CREB3: variants seen among roughly 807,000 people sequenced by gnomAD.
CREB3 encodes cyclic AMP-responsive element-binding protein 3.
In CREB3, 29 loss-of-function variants were observed where a neutral mutation model predicts 34.5. That is an observed-to-expected ratio of 0.84 (90% CI 0.63 to 1.15). The LOEUF (loss-of-function observed/expected upper bound fraction) is 1.15, where lower values mean the gene tolerates loss of function less well. Among genes scored for constraint, CREB3 ranks in the 50% most tolerant of loss-of-function variants. The pLI is 0.00. For missense variants in CREB3, 447 were observed against 443.4 expected (o/e 1.01, Z -0.07); for synonymous variants, 187 against 173.9 (o/e 1.08, Z -0.59).
Position 35,736,466 on chromosome 9 carries a change from G to A in CREB3, c.856G>A (p.Val286Met), listed in dbSNP as rs199693993. 3.0e-5 allele frequency: 48 copies of A among 1,614,066 alleles called. No individual in the cohort carries two copies. The highest frequency in any genetic ancestry group is 3.8e-5 in the Non-Finnish European group (45 of 1,180,060). The change falls in exon 9 of 9, where the codon GTG (valine) becomes ATG (methionine). Residue 286 changes from valine (V) to methionine (M), a missense_variant. Coordinates refer to ENST00000353704, the MANE Select transcript of CREB3 (RefSeq NM_006368.5). The part of the protein sequence containing the change: ...QLELPALQSE[V>M]PKDSTHQWLD... Reference sequence around the variant, plus strand: ...GGAGCTGCCTGCCCTGCAGTCAGAAGTGCCGAAAGACAGCACACACCAGTG... The same window carrying A: ...GGAGCTGCCTGCCCTGCAGTCAGAAATGCCGAAAGACAGCACACACCAGTG...
chr9:35,734,487 G>A (rs1291368528), intron 4 of CREB3, among the ~76,000 whole-genome samples: 1 of 151,904 alleles, frequency 6.6e-6, no homozygotes, highest in Non-Finnish European at 1.5e-5. Context: ...AATGTTAAGT[G>A]CCTTAAAATA....
chr9:35,732,869 G>GC lies in CREB3; in HGVS notation c.101dup (p.Leu35ThrfsTer9). 6.2e-7 allele frequency: 1 copy of GC among 1,614,182 alleles called. No homozygotes were observed. The highest frequency in any genetic ancestry group is 8.5e-7 in the Non-Finnish European group (1 of 1,180,010). ...GACGGCACCCGATGAGGCCGTGAGG[G>GC]CCCCACTGGACTGGGCGCTGCCGCT... On this transcript the variant is annotated frameshift_variant, in exon 1 of 9. Coordinates refer to ENST00000353704, the MANE Select transcript of CREB3 (RefSeq NM_006368.5). LOFTEE classifies it high-confidence loss of function. This position sits in a 1 kb window ranked among gnomAD's most constrained non-coding sequence, Gnocchi z 5.1.
Position 35,736,100 on chromosome 9 carries a change from A to C in CREB3, c.664A>C (p.Asn222His). The C allele has an allele frequency of 3.7e-6, 6 of 1,614,110 alleles. No individual in the cohort carries two copies. The highest frequency in any genetic ancestry group is 5.1e-6 in the Non-Finnish European group (6 of 1,179,988). Residue 222 changes from asparagine to histidine, a missense_variant, in exon 7 of 9, where the codon AAC (asparagine) becomes CAC (histidine). Transcript: ENST00000353704. ...CCAGGCCATGGTGATTGAGATATCAAACAAAACCAGCAGCAGCAGCACCTG... is the reference window on the plus strand; with the variant it reads ...CCAGGCCATGGTGATTGAGATATCACACAAAACCAGCAGCAGCAGCACCTG... ...KLQAMVIEISNKTSSSSTCIL... is the reference protein window; with the variant it reads ...KLQAMVIEISHKTSSSSTCIL...
rs766152625 is a variant in CREB3, at chr9:35,733,122, G to A, written c.256G>A (p.Glu86Lys). 1.2e-6 allele frequency: 2 copies of A among 1,614,252 alleles called. No homozygotes were observed. The highest frequency in any genetic ancestry group is 8.5e-7 in the Non-Finnish European group (1 of 1,180,052). ...TGACCACACCTACTCCCTCCCACGG[G>A]AAACTGTCTCTATGGATCTAGGTGA... ...HHDHTYSLPRETVSMDLESES... is the reference protein window; with the variant it reads ...HHDHTYSLPRKTVSMDLESES... The change falls in exon 2 of 9, where the codon GAA becomes AAA. Residue 86 changes from glutamate to lysine, a missense_variant. Physicochemically the swap from Glu to Lys is moderately conservative, Grantham distance 56. Coordinates refer to ENST00000353704, the MANE Select transcript of CREB3 (RefSeq NM_006368.5).
chr9:35,734,977 G>C, intron 4 of CREB3, 132 bp from the exon 5 acceptor site: 1 of 710,804 alleles, frequency 1.4e-6, no homozygotes, highest in Non-Finnish European at 2.4e-6. Flanking sequence ...CATTCAGAAA[G>C]AATCTGAATG....
intron 7 of CREB3, 47 bp from the exon 8 acceptor site, chr9:35,736,180 C>G: frequency 6.2e-7 from 1 of 1,611,154 alleles, no homozygotes; most frequent in Non-Finnish European, 8.5e-7. Flanking sequence ...TTGGTGGGGA[C>G]AGGGCAATCC....
rs1826230290 is a variant in CREB3 at position 35,736,792 on chromosome 9, A to C, written c.*66A>C. On this transcript the variant is annotated 3_prime_UTR_variant, in exon 9 of 9. Coordinates refer to ENST00000353704, the MANE Select transcript of CREB3 (RefSeq NM_006368.5). ...GCTCCCCATCTGTGTCCAAATAAAAAGCGGTGGGCAAGGGCTGGCCGCAGC... is the reference window on the plus strand; with the variant it reads ...GCTCCCCATCTGTGTCCAAATAAAACGCGGTGGGCAAGGGCTGGCCGCAGC... 6.9e-7 allele frequency: 1 copy of C among 1,455,660 alleles called. No individual in the cohort carries two copies. Among genetic ancestry groups the C allele is most frequent in the Non-Finnish European group, 9.3e-7 (1 of 1,073,260 alleles). The allele number at this position is 1,455,660 out of a possible 1,614,324, so 90.2% of individuals were successfully genotyped here. A position where few individuals can be genotyped will look rare whatever the true frequency, so the allele number is the denominator to read the frequency against.
Position 35,735,976 on chromosome 9 carries a change from G to C in CREB3, c.612-72G>C, listed in dbSNP as rs1826195234. The C allele has an allele frequency of 5.9e-6, 7 of 1,188,170 alleles. 1 individual carries two copies. In the South Asian group the frequency reaches 7.3e-5, roughly 12 times the overall value. The allele number at this position is 1,188,170 out of a possible 1,614,324, so 73.6% of individuals were successfully genotyped here. On this transcript the variant is annotated intron_variant, in intron 6 of 8. Transcript: ENST00000353704. Reference sequence around the variant, plus strand: ...AGTGCAGAGATGGAGGAGGTGGCCTGAACAGGAGTTTCACTGTGTCTCAGG... The same window carrying C: ...AGTGCAGAGATGGAGGAGGTGGCCTCAACAGGAGTTTCACTGTGTCTCAGG...
chr9:35,736,011 C>T (rs1294071441), intron 6 of CREB3, 37 bp from the exon 7 acceptor site: 14 of 1,519,322 alleles, frequency 9.2e-6, no homozygotes, highest in African/African-American at 4.1e-5. Context: ...GATGCTAGGC[C>T]AGGGGATGCT....
chr9:35,736,546 G>C lies in CREB3; in HGVS notation c.936G>C (p.Leu312=). ...LQAPGNTSCL[L]HYMPQAPSAE... is the part of the protein sequence containing the mutation. ...CCCCTGGCAACACTTCCTGCCTGCT[G>C]CATTACATGCCTCAGGCTCCCAGTG... The change falls in exon 9 of 9, where the codon CTG becomes CTC. Residue 312 remains leucine (L), a synonymous_variant. Coordinates refer to ENST00000353704, the MANE Select transcript of CREB3 (RefSeq NM_006368.5). 3.1e-6 allele frequency: 5 copies of C among 1,614,184 alleles called. No individual in the cohort carries two copies. The highest frequency in any genetic ancestry group is 4.2e-6 in the Non-Finnish European group (5 of 1,180,034).
At chr9:35,735,761 A>G (rs780019658) in intron 6 of CREB3, among the ~76,000 whole-genome samples, 6 of 152,240 alleles carry the variant, frequency 3.9e-5, no homozygotes, top group Admixed American at 6.5e-5. Context: ...GATTATGTGC[A>G]TAGCTGATCA....
chr9:35,735,429 A>C, intron 6 of CREB3, 55 bp downstream of exon 6: 1 of 1,490,180 alleles, frequency 6.7e-7, no homozygotes, highest in Admixed American at 1.7e-5. Context: ...ATGCTTTCTC[A>C]CTCTTTCCCC....
chr9:35,733,137 G>A lies in CREB3; in HGVS notation c.271G>A (p.Asp91Asn). 1 of 1,614,226 alleles carries A rather than the reference G, an allele frequency of 6.2e-7. No individual in the cohort carries two copies. Among genetic ancestry groups the A allele is most frequent in the South Asian group, 1.1e-5 (1 of 91,092 alleles). The change falls in exon 2 of 9, where the codon GAT (aspartate) becomes AAT (asparagine). Residue 91 changes from aspartate (D) to asparagine (N), a missense_variant. Coordinates refer to ENST00000353704, the MANE Select transcript of CREB3 (RefSeq NM_006368.5). ...CCTCCCACGGGAAACTGTCTCTATGGATCTAGGTGAGTCTGAAATAAGTTT... is the reference window on the plus strand; with the variant it reads ...CCTCCCACGGGAAACTGTCTCTATGAATCTAGGTGAGTCTGAAATAAGTTT... ...YSLPRETVSMDLESESCRKEG... is the reference protein window; with the variant it reads ...YSLPRETVSMNLESESCRKEG...
Position 35,733,422 on chromosome 9 carries a change from TGAG to T in CREB3, c.376_378del (p.Glu126del), listed in dbSNP as rs769225730. On this transcript the variant is annotated inframe_deletion, in exon 4 of 9. Coordinates refer to ENST00000353704, the MANE Select transcript of CREB3 (RefSeq NM_006368.5). Reference sequence around the variant, plus strand: ...AGATTGCTAGGCTAGTACTGACAGATGAGGAGAAGAGTCTATTGGAGAAGGAGG... The same window carrying T: ...AGATTGCTAGGCTAGTACTGACAGATGAGAAGAGTCTATTGGAGAAGGAGG... The T allele has an allele frequency of 6.3e-5, 102 of 1,613,790 alleles. 1 individual carries two copies. The highest frequency in any genetic ancestry group is 4.9e-4 in the East Asian group (22 of 44,894).
chr9:35,732,942 T>A lies in CREB3; in HGVS notation c.129+41T>A. ...GACTGGGGAAAGCGTGGGATGTCCA[T>A]GAAGTCAGGTGATGGTGATAAGGTC... is the stretch of plus-strand genomic sequence containing the variant. On this transcript the variant is annotated intron_variant, in intron 1 of 8. Transcript: ENST00000353704. The surrounding 1 kb of genome is among the most constrained non-coding windows in gnomAD (Gnocchi z 5.1). The A allele has an allele frequency of 1.9e-6, 3 of 1,612,738 alleles. No individual in the cohort carries two copies. The highest frequency in any genetic ancestry group is 2.5e-6 in the Non-Finnish European group (3 of 1,179,052).
intron 6 of CREB3, 67 bp downstream of exon 6, chr9:35,735,441 G>A: frequency 1.4e-6 from 2 of 1,419,542 alleles, no homozygotes; most frequent in Non-Finnish European, 2.0e-6. Context: ...TCTTTCCCCT[G>A]CCCTACACTT....
chr9:35,736,266 A>C lies in CREB3; in HGVS notation c.736A>C (p.Met246Leu). ...CTTCTGCCTCCTCCTTGTACCTGCT[A>C]TGTACTCCTCTGACACAAGGGGGAG... ...VSFCLLLVPAMYSSDTRGSLP... is the reference protein window; with the variant it reads ...VSFCLLLVPALYSSDTRGSLP... The change falls in exon 8 of 9, where the codon ATG (methionine) becomes CTG (leucine). Residue 246 changes from methionine (M) to leucine (L), a missense_variant. Coordinates refer to ENST00000353704, the MANE Select transcript of CREB3 (RefSeq NM_006368.5). 4.3e-6 allele frequency: 7 copies of C among 1,614,070 alleles called. No individual in the cohort carries two copies. Among genetic ancestry groups the C allele is most frequent in the Non-Finnish European group, 5.9e-6 (7 of 1,179,990 alleles).
chr9:35,735,768 A>G (rs111682438), intron 6 of CREB3, among the ~76,000 whole-genome samples: 61 of 152,340 alleles, frequency 4.0e-4, no homozygotes, highest in African/African-American at 1.4e-3. Context: ...TGCATAGCTG[A>G]TCAGACAGTG....
At chr9:35,734,990 T>C in intron 4 of CREB3, 119 bp from the exon 5 acceptor site, 1 of 772,402 alleles carries the variant, frequency 1.3e-6, no homozygotes, top group Middle Eastern at 3.5e-4. Context: ...TCTGAATGCC[T>C]GTTGGTCAGG....
Sources: gnomAD v4.1 joint callset for allele counts (sites outside exome capture counted in the v4.1 genomes callset) on GRCh38, gnomAD v4.1.1 for gene constraint, Gnocchi (gnomAD v3.1) non-coding constraint, MANE v1.5 for transcripts, NCBI Gene and HGNC (gene_info 2026-07-23, HGNC 2026-07-21) for gene names.